The following CEP78 variants were observed in gnomAD, a reference collection of about 807,000 sequenced individuals.
CEP78 encodes centrosomal protein 78.
CEP78 carries 76 observed loss-of-function variants against 81.2 expected under a neutral mutation model. The ratio of observed to expected loss-of-function variants is 0.94; its 90% confidence interval spans 0.78 to 1.13. The LOEUF (loss-of-function observed/expected upper bound fraction) is 1.13. Among genes scored for constraint, CEP78 ranks in the 50% most tolerant of loss-of-function variants. The pLI is 0.00. For missense variants in CEP78, 918 were observed against 846.8 expected (o/e 1.08, Z -1.04); for synonymous variants, 293 against 301.4 (o/e 0.97, Z 0.29).
At position 78,241,380 on chromosome 9, in the gene CEP78, TA is replaced by T. The variant is rs570295215; in HGVS notation, c.500-315del. Among the ~76,000 whole-genome samples, 495 of 152,340 alleles carry T rather than the reference TA, an allele frequency of 3.2e-3. 2 individuals are homozygous for T. Among genetic ancestry groups the T allele is most frequent in the Admixed American group, 5.4e-3 (83 of 15,304 alleles). Reference sequence around the variant, plus strand: ...TTGGAAATGAAAATAGGAAGAGTTTTATTTTTTTTATGTTTTTCTTTCAGAT... The same window carrying T: ...TTGGAAATGAAAATAGGAAGAGTTTTTTTTTTTTATGTTTTTCTTTCAGAT... On this transcript the variant is annotated intron_variant, in intron 3 of 16. Transcript: ENST00000643273.
chr9:78,237,544 G>C (rs1303994292), intron 1 of CEP78, among the ~76,000 whole-genome samples: 1 of 152,176 alleles, frequency 6.6e-6, no homozygotes, highest in Non-Finnish European at 1.5e-5. Flanking sequence ...ATAGGAGAGA[G>C]TATGCAAGCT....
rs1304531631 is a variant in CEP78, at chr9:78,274,525, C to CT, written c.*3674_*3675insT. ...TAAAAAATTCATCCCTCTTGCCCAT[C>CT]AGTAGATCAGGATATGAAGGATACC... is the stretch of plus-strand genomic sequence containing the variant. On this transcript the variant is annotated 3_prime_UTR_variant, in exon 17 of 17. Coordinates refer to ENST00000643273, the MANE Select transcript of CEP78 (RefSeq NM_001330691.3). 1.3e-5 allele frequency: 2 copies of CT among 152,102 alleles called. No individual in the cohort carries two copies. The highest frequency in any genetic ancestry group is 2.9e-5 in the Non-Finnish European group (2 of 68,052). The allele number at this position is 152,102 out of a possible 1,614,324, so 9.4% of individuals were successfully genotyped here. A position where few individuals can be genotyped will look rare whatever the true frequency, so the allele number is the denominator to read the frequency against.
chr9:78,259,075 C>A (rs181059103), intron 11 of CEP78, among the ~76,000 whole-genome samples: 2 of 152,262 alleles, frequency 1.3e-5, no homozygotes, highest in East Asian at 3.9e-4. Flanking sequence ...CTGAAAACAA[C>A]CCGATGTCCA....
intron 13 of CEP78, among the ~76,000 whole-genome samples, 151 bp downstream of exon 13, chr9:78,264,467 T>G (rs1827422813): frequency 6.6e-6 from 1 of 152,124 alleles, no homozygotes. Flanking sequence ...GAATTAATTT[T>G]AAAAGAAATG....
intron 1 of CEP78, among the ~76,000 whole-genome samples, chr9:78,237,193 C>T (rs1825996121): frequency 6.6e-6 from 1 of 151,772 alleles, no homozygotes; most frequent in Non-Finnish European, 1.5e-5. Context: ...GTTAGCCAGG[C>T]TGGTCTCGAA....
chr9:78,241,539 T>G lies in CEP78; in HGVS notation c.500-157T>G, dbSNP rs17787727. Among the ~76,000 whole-genome samples, 48,581 of 152,086 alleles carry G rather than the reference T, an allele frequency of 0.32. 8,493 individuals carry two copies. The highest frequency in any genetic ancestry group is 0.42 in the Middle Eastern group (124 of 292). ...GTAACTCTTTGTTACTGACTTATTT[T>G]AGAATGTACCAATCAGTTGCTTAGG... On this transcript the variant is annotated intron_variant, in intron 3 of 16. Coordinates refer to ENST00000643273, the MANE Select transcript of CEP78 (RefSeq NM_001330691.3).
chr9:78,240,246 GA>G (rs771738483), intron 2 of CEP78, 45 bp from the exon 3 acceptor site: 9 of 1,611,168 alleles, frequency 5.6e-6, no homozygotes, highest in South Asian at 4.4e-5. Flanking sequence ...GCTTTTAGAG[GA>G]AAAAAAACCT....
At chr9:78,238,201 G>C (rs1280295827) in intron 1 of CEP78, among the ~76,000 whole-genome samples, 1 of 152,120 alleles carries the variant, frequency 6.6e-6, no homozygotes, top group African/African-American at 2.4e-5. Flanking sequence ...TTAGAAGAGG[G>C]GGGCAGCAAG....
Position 78,272,631 on chromosome 9 carries a change from A to G in CEP78, c.*1780A>G, listed in dbSNP as rs1176628502. On this transcript the variant is annotated 3_prime_UTR_variant, in exon 17 of 17. Transcript: ENST00000643273. ...ATTGATTGAAAAAATATATTAAAAT[A>G]TATATAAAGTTAAGGGTATGTTAGT... 2 of 152,234 alleles carry G rather than the reference A, an allele frequency of 1.3e-5. No homozygotes were observed. Among genetic ancestry groups the G allele is most frequent in the Non-Finnish European group, 2.9e-5 (2 of 68,050 alleles). The allele number at this position is 152,234 out of a possible 1,614,324, so 9.4% of individuals were successfully genotyped here.
intron 11 of CEP78, 150 bp from the exon 12 acceptor site, chr9:78,262,757 A>T: frequency 2.2e-6 from 1 of 444,972 alleles, no homozygotes; most frequent in Non-Finnish European, 4.0e-6. Flanking sequence ...CTAGCATGGT[A>T]TGATATTATA....
chr9:78,260,706 CAA>C (rs1204270796), intron 11 of CEP78, among the ~76,000 whole-genome samples: 16 of 53,072 alleles, frequency 3.0e-4, no homozygotes, highest in Admixed American at 6.4e-4. Flanking sequence ...GACTCCATCT[CAA>C]AAAAAAAAAA....
At chr9:78,240,821 G>C (rs1826191904) in intron 3 of CEP78, among the ~76,000 whole-genome samples, 1 of 152,064 alleles carries the variant, frequency 6.6e-6, no homozygotes, top group Non-Finnish European at 1.5e-5. Flanking sequence ...AAACTCACCA[G>C]GCATGGTGGC....
At chr9:78,251,074 C>G (rs1826736780) in intron 8 of CEP78, among the ~76,000 whole-genome samples, 1 of 152,116 alleles carries the variant, frequency 6.6e-6, no homozygotes, top group Admixed American at 6.6e-5. Context: ...TCAGTGATAT[C>G]AGAAACAATT....
chr9:78,237,298 G>A (rs1826003487), intron 1 of CEP78, among the ~76,000 whole-genome samples: 1 of 151,908 alleles, frequency 6.6e-6, no homozygotes. Context: ...ATTTTTTAAG[G>A]TGTATATAAG....
Position 78,253,240 on chromosome 9 carries a change from C to G in CEP78, c.1214C>G (p.Pro405Arg). The change falls in exon 10 of 17, where the codon CCA (proline) becomes CGA (arginine). Residue 405 changes from proline to arginine, a missense_variant. Transcript: ENST00000643273. ...TATCGATATCTTTTTAGGGGTTTCC[C>G]ATTAATCAAAACACGTGATATATGT... ...AERAKRHRGF[P>R]LIKTRDICNQ... 1 of 1,347,400 alleles carries G rather than the reference C, an allele frequency of 7.4e-7. No individual in the cohort carries two copies. Among genetic ancestry groups the G allele is most frequent in the Non-Finnish European group, 1.1e-6 (1 of 951,888 alleles). 83.5% of individuals were successfully genotyped at this position (1,347,400 alleles called of 1,614,324 possible). A position where few individuals can be genotyped will look rare whatever the true frequency, so the allele number is the denominator to read the frequency against.
rs949076728 is a variant in CEP78, at chr9:78,277,243, A to C, written c.*6392A>C. On this transcript the variant is annotated 3_prime_UTR_variant, in exon 17 of 17. Transcript: ENST00000643273. The stretch of plus-strand genomic sequence containing the variant: ...ATTGTAATAAATGTGTAAGAAAGGC[A>C]TTCCCAACCAAGACACAAAACCCAG... 8.5e-5 allele frequency: 13 copies of C among 152,168 alleles called. No homozygotes were observed. Among genetic ancestry groups the C allele is most frequent in the Non-Finnish European group, 1.8e-4 (12 of 67,998 alleles). 9.4% of individuals were successfully genotyped at this position (152,168 alleles called of 1,614,324 possible).
Position 78,251,947 on chromosome 9 carries a change from A to C in CEP78, c.1109A>C (p.His370Pro), listed in dbSNP as rs1826782492. 6 of 1,607,704 alleles carry C rather than the reference A, an allele frequency of 3.7e-6. No individual in the cohort carries two copies. The highest frequency in any genetic ancestry group is 5.1e-6 in the Non-Finnish European group (6 of 1,175,876). The change falls in exon 9 of 17, where the codon CAC (histidine) becomes CCC (proline). Residue 370 changes from histidine (H) to proline (P), a missense_variant. By Grantham distance (77) the His-to-Pro change is moderately conservative (BLOSUM62 -2). Coordinates refer to ENST00000643273, the MANE Select transcript of CEP78 (RefSeq NM_001330691.3). Reference sequence around the variant, plus strand: ...AAACCTGTAAGTAGTGGCAGAAAACACTCCCTTGGTAAAGAATATTATGCG... The same window carrying C: ...AAACCTGTAAGTAGTGGCAGAAAACCCTCCCTTGGTAAAGAATATTATGCG... ...TKKPVSSGRKHSLGKEYYAPA... is the reference protein window; with the variant it reads ...TKKPVSSGRKPSLGKEYYAPA...
chr9:78,274,160 G>A lies in CEP78; in HGVS notation c.*3309G>A, dbSNP rs1827755313. Reference sequence around the variant, plus strand: ...TGAATGGATAGCGATGTATCCATATGGTGGCAAACATGCCACAATTCGGAT... The same window carrying A: ...TGAATGGATAGCGATGTATCCATATAGTGGCAAACATGCCACAATTCGGAT... On this transcript the variant is annotated 3_prime_UTR_variant, in exon 17 of 17. Transcript: ENST00000643273. 1 of 152,210 alleles carries A rather than the reference G, an allele frequency of 6.6e-6. No homozygotes were observed. Among genetic ancestry groups the A allele is most frequent in the South Asian group, 2.1e-4 (1 of 4,830 alleles). 9.4% of individuals were successfully genotyped at this position (152,210 alleles called of 1,614,324 possible).
intron 15 of CEP78, among the ~76,000 whole-genome samples, 199 bp downstream of exon 15, chr9:78,266,105 C>T (rs552073444): frequency 2.6e-5 from 4 of 152,158 alleles, no homozygotes; most frequent in East Asian, 3.9e-4. Flanking sequence ...TGGCAACTGA[C>T]GACTTGAAAA....
Sources: gnomAD v4.1 joint callset for allele counts (sites outside exome capture counted in the v4.1 genomes callset) on GRCh38, gnomAD v4.1.1 for gene constraint, MANE v1.5 for transcripts, NCBI Gene and HGNC (gene_info 2026-07-23, HGNC 2026-07-21) for gene names.